C1R: variants seen among roughly 807,000 people sequenced by gnomAD.
C1R encodes complement C1r.
C1R carries 15 observed loss-of-function variants against 27.6 expected under a neutral mutation model. That is an observed-to-expected ratio of 0.54 (90% CI 0.36 to 0.84). The LOEUF is 0.84. C1R is among the 40% of genes least tolerant of loss of function. C1R has a pLI of 0.01. For synonymous variants in C1R, 253 were observed against 228.8 expected (o/e 1.11, Z -0.95); for missense variants, 544 against 577.9 (o/e 0.94, Z 0.60).
At chr12:7,084,771 TA>T (rs1938112944) in intron 9 of C1R, among the ~76,000 whole-genome samples, 1 of 147,758 alleles carries the variant, frequency 6.8e-6, no homozygotes, top group Non-Finnish European at 1.5e-5. Flanking sequence ...GTGGTGATGG[TA>T]GTGTTGGTGT....
At chr12:7,082,240 C>T (rs1938077620) in intron 9 of C1R, 134 bp from the exon 10 acceptor site, 1 of 666,500 alleles carries the variant, frequency 1.5e-6, no homozygotes, top group African/African-American at 1.8e-5. Context: ...GGCCAAAGGT[C>T]AAAGGCTCAA....
chr12:7,090,922 C>A (rs1205293365), intron 2 of C1R, among the ~76,000 whole-genome samples: 3 of 152,184 alleles, frequency 2.0e-5, no homozygotes, highest in Non-Finnish European at 4.4e-5. Flanking sequence ...GTTGTTGGAC[C>A]TTCGCAGGCT....
rs775687119 is a variant in C1R at position 7,089,972 on chromosome 12, T to G, written c.424+84A>C. 4.3e-6 allele frequency: 3 copies of G among 701,218 alleles called. No individual in the cohort carries two copies. In the East Asian group the frequency reaches 8.1e-5, roughly 19 times the overall value. 43.4% of individuals were successfully genotyped at this position (701,218 alleles called of 1,614,324 possible). ...AACAAGGAAAGCCAGGCTTTCGGCT[T>G]CTTTGCATTCAAGATTCCCTTTCTT... On this transcript the variant is annotated intron_variant, in intron 3 of 10. Transcript: ENST00000647956.
chr12:7,082,860 G>T (rs1938088739), intron 9 of C1R, among the ~76,000 whole-genome samples: 1 of 152,038 alleles, frequency 6.6e-6, no homozygotes. Flanking sequence ...GCAGGTGTGT[G>T]TTATTATCCT....
At position 7,092,398 on chromosome 12, in the gene C1R, C is replaced by G; in HGVS notation, c.-10G>C. The G allele has an allele frequency of 1.3e-6, 1 of 780,894 alleles. No individual in the cohort carries two copies. The highest frequency in any genetic ancestry group is 2.4e-5 in the East Asian group (1 of 41,234). The allele number at this position is 780,894 out of a possible 1,614,324, so 48.4% of individuals were successfully genotyped here. ...TCACCCTTACTCACATTTCTCAAGGCCCGTGTTGAATCCTGGGCTCTCCCG... is the reference window on the plus strand; with the variant it reads ...TCACCCTTACTCACATTTCTCAAGGGCCGTGTTGAATCCTGGGCTCTCCCG... On this transcript the variant is annotated 5_prime_UTR_variant, in exon 1 of 11. Transcript: ENST00000647956.
At chr12:7,081,822 G>A (rs1279411168) in intron 10 of C1R, among the ~76,000 whole-genome samples, 1 of 152,102 alleles carries the variant, frequency 6.6e-6, no homozygotes, top group East Asian at 1.9e-4. Flanking sequence ...TTCCTAGGGG[G>A]TCTCCCATTG....
Position 7,080,297 on chromosome 12 carries a change from CAACTAGAGATTGAT to C in C1R, c.*221_*234del. 8.2e-7 allele frequency: 1 copy of C among 1,214,318 alleles called. No homozygotes were observed. Among genetic ancestry groups the C allele is most frequent in the Non-Finnish European group, 1.0e-6 (1 of 975,394 alleles). The allele number at this position is 1,214,318 out of a possible 1,614,324, so 75.2% of individuals were successfully genotyped here. ...GTATCAAAGTGGAAGAGGAAAGTGA[CAACTAGAGATTGAT>C]AACTATATCCTCTGCAATCCTCAGA... is the stretch of plus-strand genomic sequence containing the variant. On this transcript the variant is annotated 3_prime_UTR_variant, in exon 11 of 11. Coordinates refer to ENST00000647956, the MANE Select transcript of C1R (RefSeq NM_001733.7). This position sits in a 1 kb window ranked among gnomAD's most constrained non-coding sequence, Gnocchi z 4.9.
chr12:7,082,567 G>A (rs1313089445), intron 9 of C1R, among the ~76,000 whole-genome samples: 3 of 151,986 alleles, frequency 2.0e-5, no homozygotes, highest in Non-Finnish European at 1.5e-5. Context: ...TCCTGACCTC[G>A]TGATCCACCT....
rs1157081576 is a variant in C1R, at chr12:7,082,002, T to C, written c.1348+30A>G. ...AGGCCCTGCAGGCTGCTAAAGACCC[T>C]GATGATGGCCCCAGAGGGTTTCCAC... On this transcript the variant is annotated intron_variant, in intron 10 of 10. Coordinates refer to ENST00000647956, the MANE Select transcript of C1R (RefSeq NM_001733.7). 6.5e-6 allele frequency: 10 copies of C among 1,532,768 alleles called. No individual in the cohort carries two copies. The African/African-American group carries it at 1.2e-4, about 19-fold the overall frequency. 94.9% of individuals were successfully genotyped at this position (1,532,768 alleles called of 1,614,324 possible). A position where few individuals can be genotyped will look rare whatever the true frequency, so the allele number is the denominator to read the frequency against.
Position 7,091,092 on chromosome 12 carries a change from T to C in C1R, c.231+360A>G, listed in dbSNP as rs776629659. 2.4e-5 allele frequency: 7 copies of C among 294,558 alleles called. No homozygotes were observed. The highest frequency in any genetic ancestry group is 4.5e-5 in the Non-Finnish European group (7 of 155,562). 18.2% of individuals were successfully genotyped at this position (294,558 alleles called of 1,614,324 possible). On this transcript the variant is annotated intron_variant, in intron 2 of 10. Transcript: ENST00000647956. The surrounding 1 kb of genome is among the most constrained non-coding windows in gnomAD (Gnocchi z 5.1). ...CATTTCTCCTCCTCATGTCCCTGTGTTCCTGTTGAAGCAGGCAGCCATGTC... is the reference window on the plus strand; with the variant it reads ...CATTTCTCCTCCTCATGTCCCTGTGCTCCTGTTGAAGCAGGCAGCCATGTC...
intron 5 of C1R, 83 bp downstream of exon 5, chr12:7,089,210 G>A: frequency 2.8e-6 from 2 of 714,192 alleles, no homozygotes; most frequent in Admixed American, 2.0e-5. Context: ...CTGGCCAGGG[G>A]ATCCAGGAGG....
At chr12:7,089,969 G>C in intron 3 of C1R, 87 bp downstream of exon 3, 1 of 700,272 alleles carries the variant, frequency 1.4e-6, no homozygotes, top group Admixed American at 2.1e-5. Context: ...CAGGCTTTCG[G>C]CTTCTTTGCA....
Position 7,080,246 on chromosome 12 carries a change from A to G in C1R, c.*286T>C. ...GCATTTCTCATAAAACTTTATTTGG[A>G]AAAAGTTATATTCAATGACCCAATG... On this transcript the variant is annotated 3_prime_UTR_variant, in exon 11 of 11. Transcript: ENST00000647956. The surrounding 1 kb of genome is among the most constrained non-coding windows in gnomAD (Gnocchi z 4.9). 9 of 1,081,762 alleles carry G rather than the reference A, an allele frequency of 8.3e-6. No individual in the cohort carries two copies. The highest frequency in any genetic ancestry group is 1.0e-5 in the Non-Finnish European group (9 of 890,986). The allele number at this position is 1,081,762 out of a possible 1,614,324, so 67.0% of individuals were successfully genotyped here.
chr12:7,087,081 T>G (rs1417707779), intron 7 of C1R: 2 of 152,240 alleles, frequency 1.3e-5, no homozygotes, highest in Non-Finnish European at 2.9e-5. Flanking sequence ...AGACCAAAAT[T>G]CGGCCAGGTG....
chr12:7,090,003 C>G, intron 3 of C1R, 53 bp downstream of exon 3: 1 of 717,326 alleles, frequency 1.4e-6, no homozygotes, highest in Non-Finnish European at 2.6e-6. Flanking sequence ...TTCTTGGCCC[C>G]CCATTCAATA....
chr12:7,080,598 A>G lies in C1R; in HGVS notation c.2052T>C (p.Tyr684=). 6.2e-7 allele frequency: 1 copy of G among 1,612,066 alleles called. No individual in the cohort carries two copies. Among genetic ancestry groups the G allele is most frequent in the Non-Finnish European group, 8.5e-7 (1 of 1,178,688 alleles). ...VSWGIGCSRG[Y]GFYTKVLNYV... The stretch of plus-strand genomic sequence containing the variant: ...AGTTGAGCACTTTGGTGTAGAAGCC[A>G]TAGCCCCTGCTGCACCCGATGCCCC... The change falls in exon 11 of 11, where the codon TAT becomes TAC. Residue 684 remains tyrosine (Y), a synonymous_variant. Transcript: ENST00000647956. This position sits in a 1 kb window ranked among gnomAD's most constrained non-coding sequence, Gnocchi z 4.9.
chr12:7,081,474 T>C (rs915754248), intron 10 of C1R, among the ~76,000 whole-genome samples, 173 bp from the exon 11 acceptor site: 6 of 150,052 alleles, frequency 4.0e-5, no homozygotes, highest in African/African-American at 1.5e-4. Context: ...CTTCTTGTTC[T>C]TGTTTTTTTT....
chr12:7,080,983 C>T lies in C1R; in HGVS notation c.1667G>A (p.Gly556Glu). ...TTCCAGCTCCAGCAGGGCGATGTCC[C>T]CCTCAAAATTGTAGGACTCATCCTG... ...YRQDESYNFE[G>E]DIALLELENS... Residue 556 changes from glycine to glutamate, a missense_variant, in exon 11 of 11, where the codon GGG (glycine) becomes GAG (glutamate). Gly to Glu is a moderately conservative substitution (Grantham distance 98). Coordinates refer to ENST00000647956, the MANE Select transcript of C1R (RefSeq NM_001733.7). The surrounding 1 kb of genome is among the most constrained non-coding windows in gnomAD (Gnocchi z 4.9). 6.2e-7 allele frequency: 1 copy of T among 1,613,926 alleles called. No individual in the cohort carries two copies. Among genetic ancestry groups the T allele is most frequent in the Non-Finnish European group, 8.5e-7 (1 of 1,179,792 alleles).
Position 7,088,650 on chromosome 12 carries a change from T to G in C1R, c.998A>C (p.Tyr333Ser). The G allele has an allele frequency of 1.3e-6, 1 of 744,942 alleles. No homozygotes were observed. The highest frequency in any genetic ancestry group is 2.5e-6 in the Non-Finnish European group (1 of 399,260). 46.1% of individuals were successfully genotyped at this position (744,942 alleles called of 1,614,324 possible). Reference protein sequence around the residue: ...NLQPQYQFRDYFIATCKQGYQ... With the variant: ...NLQPQYQFRDSFIATCKQGYQ... ...GCCTTGCTTGCAGGTAGCAATGAAG[T>G]AGTCACGGAACTGGTACTGAGGCTG... is the stretch of plus-strand genomic sequence containing the variant. The change falls in exon 7 of 11, where the codon TAC becomes TCC. Residue 333 changes from tyrosine to serine, a missense_variant. By Grantham distance (144) the Tyr-to-Ser change is moderately radical. This residue lies in a region of C1R where 291 missense variants were observed against 209.0 expected (regional missense o/e 1.39). Transcript: ENST00000647956.
Sources: gnomAD v4.1 joint callset for allele counts (sites outside exome capture counted in the v4.1 genomes callset) on GRCh38, gnomAD v4.1.1 for gene constraint, gnomAD v4.1.1 regional missense constraint, Gnocchi (gnomAD v3.1) non-coding constraint, MANE v1.5 for transcripts, NCBI Gene and HGNC (gene_info 2026-07-23, HGNC 2026-07-21) for gene names.